POMT1: variants seen among roughly 807,000 people sequenced by gnomAD.
POMT1 encodes the protein protein O-mannosyl-transferase 1.
A neutral mutation model predicts 101.6 loss-of-function variants in POMT1; 85 were observed. The observed-to-expected ratio is 0.84, with a 90% CI of 0.70 to 1.00. The LOEUF (loss-of-function observed/expected upper bound fraction) is 1.00, where lower values mean the gene tolerates loss of function less well. POMT1 is among the 50% of genes least tolerant of loss of function. The pLI is 0.00. For synonymous variants in POMT1, 371 were observed against 383.0 expected (o/e 0.97, Z 0.37); for missense variants, 857 against 930.4 (o/e 0.92, Z 1.03).
Position 131,506,153 on chromosome 9 carries a change from C to T in POMT1, c.162C>T (p.Tyr54=), listed in dbSNP as rs1945764912. Residue 54 remains tyrosine, a synonymous_variant, in exon 3 of 20, where the codon TAC becomes TAT. Transcript: ENST00000402686. ...EVYYGQYISF[Y]MKQIFFLDDS... ...ATTATGGGCAGTACATCTCTTTTTACATGAAACAAATCTTCTTCTTGGATG... is the reference window on the plus strand; with the variant it reads ...ATTATGGGCAGTACATCTCTTTTTATATGAAACAAATCTTCTTCTTGGATG... 2 of 1,613,566 alleles carry T rather than the reference C, an allele frequency of 1.2e-6. No individual in the cohort carries two copies. The highest frequency in any genetic ancestry group is 1.7e-5 in the Admixed American group (1 of 59,948).
chr9:131,511,007 T>G, intron 9 of POMT1: 4 of 288,494 alleles, frequency 1.4e-5, no homozygotes, highest in Admixed American at 4.8e-5. Flanking sequence ...TTCAGCAAGT[T>G]GTTTGGCTCA....
chr9:131,517,233 TTC>T (rs567174601), intron 13 of POMT1, among the ~76,000 whole-genome samples: 174 of 45,462 alleles, frequency 3.8e-3, no homozygotes, highest in African/African-American at 7.2e-3. Context: ...TCTGCTGATG[TTC>T]TTTTTTTTTT....
chr9:131,510,128 C>G, intron 8 of POMT1, 132 bp downstream of exon 8: 1 of 1,611,690 alleles, frequency 6.2e-7, no homozygotes, highest in East Asian at 2.2e-5. Context: ...AGCCTCGCCT[C>G]TTGGCCTCTG....
intron 10 of POMT1, chr9:131,511,679 C>T (rs1227303720): frequency 6.4e-6 from 4 of 623,964 alleles, no homozygotes; most frequent in African/African-American, 3.7e-5. Flanking sequence ...GGCCCCAGCT[C>T]TGTGGCTGTG....
chr9:131,523,119 G>T lies in POMT1; in HGVS notation c.*13G>T. On this transcript the variant is annotated 3_prime_UTR_variant, in exon 20 of 20. Transcript: ENST00000402686. ...CCGAAAACACTAGAACAAGAGTGTG[G>T]CAAAGAACACCCGTGCTGGGGTCGG... 1 of 1,609,186 alleles carries T rather than the reference G, an allele frequency of 6.2e-7. No individual in the cohort carries two copies.
intron 13 of POMT1, 137 bp from the exon 14 acceptor site, chr9:131,518,308 T>G: frequency 1.2e-6 from 1 of 845,748 alleles, no homozygotes; most frequent in African/African-American, 1.7e-5. Context: ...ACCAGCCCCT[T>G]ATAGCTTCCC....
intron 2 of POMT1, 55 bp from the exon 3 acceptor site, chr9:131,506,059 G>T (rs1237660326): frequency 1.2e-6 from 2 of 1,606,788 alleles, no homozygotes; most frequent in Non-Finnish European, 1.7e-6. Flanking sequence ...CACAGTTTTT[G>T]TTTACAGTTA....
chr9:131,513,516 G>A (rs890315656), intron 12 of POMT1, among the ~76,000 whole-genome samples, 185 bp downstream of exon 12: 6 of 152,168 alleles, frequency 3.9e-5, no homozygotes, highest in East Asian at 1.9e-4. Flanking sequence ...GGAAGGGAGC[G>A]GGGTTAAGAG....
In POMT1 at chr9:131,503,183, GTCT is replaced by G. The variant is rs1944933038; in HGVS notation, c.-31+112_-31+114del. ...ACGGGCTGGGGCCGGGGGCGTCCCC[GTCT>G]TTCCGGAGCTGGGGGCGGGGTTCGG... is the stretch of plus-strand genomic sequence containing the variant. On this transcript the variant is annotated intron_variant, in intron 1 of 19. Transcript: ENST00000402686. The surrounding 1 kb of genome is among the most constrained non-coding windows in gnomAD (Gnocchi z 4.4). 1 of 152,342 alleles carries G rather than the reference GTCT, an allele frequency of 6.6e-6. No homozygotes were observed. Among genetic ancestry groups the G allele is most frequent in the Non-Finnish European group, 1.5e-5 (1 of 68,118 alleles). The allele number at this position is 152,342 out of a possible 1,614,324, so 9.4% of individuals were successfully genotyped here.
chr9:131,517,359 A>AT (rs1362505722), intron 13 of POMT1, among the ~76,000 whole-genome samples: 3 of 151,930 alleles, frequency 2.0e-5, no homozygotes, highest in Admixed American at 6.6e-5. Flanking sequence ...GCCTCTTGGT[A>AT]TTACAGGTTA....
intron 9 of POMT1, 154 bp downstream of exon 9, chr9:131,510,569 T>A: frequency 1.9e-6 from 2 of 1,061,126 alleles, no homozygotes; most frequent in Non-Finnish European, 2.8e-6. Flanking sequence ...GGATGGAGTC[T>A]TACTCTGTCA....
intron 13 of POMT1, among the ~76,000 whole-genome samples, chr9:131,517,624 C>T (rs534028626): frequency 2.0e-5 from 3 of 152,200 alleles, no homozygotes; most frequent in African/African-American, 2.4e-5. Flanking sequence ...CCCCACTCGC[C>T]GTCTCTGTGC....
chr9:131,521,502 CTTTT>C (rs770729852), intron 18 of POMT1, 30 bp downstream of exon 18: 1 of 1,609,116 alleles, frequency 6.2e-7, no homozygotes, highest in Non-Finnish European at 8.5e-7. Flanking sequence ...GGCTTTCTTT[CTTTT>C]TAATATAGAC....
Position 131,522,186 on chromosome 9 carries a change from C to T in POMT1, c.1965C>T (p.Leu655=), listed in dbSNP as rs981555001. ...LPALTFQILL[L]PVVLQHISDH... ...CACTCACCTTCCAAATCCTTCTGCT[C>T]CCTGTGGTCCTGCAGCACATCAGCG... Residue 655 remains leucine (L), a synonymous_variant, in exon 19 of 20, where the codon CTC becomes CTT. Coordinates refer to ENST00000402686, the MANE Select transcript of POMT1 (RefSeq NM_001077365.2). This position sits in a 1 kb window ranked among gnomAD's most constrained non-coding sequence, Gnocchi z 5.5. The T allele has an allele frequency of 1.2e-6, 2 of 1,614,130 alleles. No homozygotes were observed. Among genetic ancestry groups the T allele is most frequent in the Non-Finnish European group, 1.7e-6 (2 of 1,180,044 alleles).
Position 131,522,917 on chromosome 9 carries a change from C to A in POMT1, c.2004-15C>A. 6.3e-7 allele frequency: 1 copy of A among 1,575,482 alleles called. No individual in the cohort carries two copies. The highest frequency in any genetic ancestry group is 8.6e-7 in the Non-Finnish European group (1 of 1,164,122). ...TGGTCAGCCACCCTCCCCCACGCTG[C>A]TCTGACCTCTGCAGGTCCCAGCTCC... On this transcript the variant is annotated splice_polypyrimidine_tract_variant and intron_variant, in intron 19 of 19. Transcript: ENST00000402686. This position sits in a 1 kb window ranked among gnomAD's most constrained non-coding sequence, Gnocchi z 5.5.
chr9:131,506,944 G>T (rs1373351960), intron 4 of POMT1, among the ~76,000 whole-genome samples: 1 of 152,016 alleles, frequency 6.6e-6, no homozygotes, highest in Non-Finnish European at 1.5e-5. Flanking sequence ...GCGGGCGCCT[G>T]TAGTCCCAGC....
intron 4 of POMT1, 194 bp downstream of exon 4, chr9:131,506,647 T>C: frequency 1.6e-6 from 1 of 635,196 alleles, no homozygotes; most frequent in South Asian, 1.8e-5. Context: ...GAAAGTCTGG[T>C]TAAAATCTTA....
At chr9:131,511,592 CG>C (rs1947126250) in intron 10 of POMT1, 125 bp downstream of exon 10, 9 of 1,343,202 alleles carry the variant, frequency 6.7e-6, no homozygotes, top group Non-Finnish European at 9.3e-6. Flanking sequence ...TTGAGCAGCC[CG>C]GGTGCTGATT....
At position 131,510,392 on chromosome 9, in the gene POMT1, A is replaced by G. The variant is rs1210426454; in HGVS notation, c.832A>G (p.Ser278Gly). ...RSGPHDQIMS[S>G]AFQASLEGGL... ...TGGGCCCCACGACCAAATCATGTCC[A>G]GTGCCTTCCAGGCCAGCTTAGAGGT... The change falls in exon 9 of 20, where the codon AGT (serine) becomes GGT (glycine). Residue 278 changes from serine to glycine, a missense_variant. Coordinates refer to ENST00000402686, the MANE Select transcript of POMT1 (RefSeq NM_001077365.2). The G allele has an allele frequency of 6.2e-7, 1 of 1,614,210 alleles. No homozygotes were observed. Among genetic ancestry groups the G allele is most frequent in the South Asian group, 1.1e-5 (1 of 91,088 alleles).
Sources: allele counts gnomAD v4.1 joint callset (sites outside exome capture counted in the v4.1 genomes callset), GRCh38; gene constraint gnomAD v4.1.1; non-coding constraint Gnocchi (gnomAD v3.1); transcripts MANE v1.5; gene names NCBI Gene and HGNC (gene_info 2026-07-23, HGNC 2026-07-21).